PSPH: variants seen among roughly 807,000 people sequenced by gnomAD.
PSPH encodes phosphoserine phosphatase, also known as L-3-phosphoserine phosphatase.
A neutral mutation model predicts 23.4 loss-of-function variants in PSPH; 16 were observed. The ratio of observed to expected loss-of-function variants is 0.68; its 90% CI spans 0.46 to 1.04. The LOEUF (loss-of-function observed/expected upper bound fraction) is 1.04. Ranked by LOEUF, PSPH falls within the 50% of genes least tolerant of loss-of-function variation. The pLI, the probability that PSPH is intolerant of heterozygous loss-of-function variation, is 0.00. For synonymous variants in PSPH, 68 were observed against 99.7 expected (o/e 0.68, Z 1.89); for missense variants, 223 against 273.7 (o/e 0.81, Z 1.31).
At chr7:56,045,339 T>A (rs1433078826) in intron 1 of PSPH, among the ~76,000 whole-genome samples, 3 of 151,944 alleles carry the variant, frequency 2.0e-5, no homozygotes, top group Non-Finnish European at 4.4e-5. Context: ...TCAGAGAACT[T>A]GTCTCTGCAA....
At position 56,045,833 on chromosome 7, in the gene PSPH, G is replaced by C. The variant is rs149224231; in HGVS notation, c.-292+5305C>G. 2.0e-5 allele frequency among the ~76,000 whole-genome samples: 3 copies of C among 146,568 alleles called. No individual in the cohort carries two copies. In the Admixed American group the frequency reaches 2.1e-4, roughly 10 times the overall value. On this transcript the variant is annotated intron_variant, in intron 1 of 7. Coordinates refer to ENST00000275605, the MANE Select transcript of PSPH (RefSeq NM_004577.4). The stretch of plus-strand genomic sequence containing the variant: ...ACCCAGGAAGCAGAAGCTGCAATGA[G>C]CCAAGATCATGCCACTGCACTCTAG...
At chr7:56,029,815 A>G (rs1033643597) in intron 3 of PSPH, among the ~76,000 whole-genome samples, 2 of 151,918 alleles carry the variant, frequency 1.3e-5, no homozygotes, top group African/African-American at 4.8e-5. Flanking sequence ...GGTAGTAGGG[A>G]TAAATTTGTT....
chr7:56,014,268 G>GC (rs1788303418), intron 7 of PSPH, among the ~76,000 whole-genome samples: 6 of 152,144 alleles, frequency 3.9e-5, no homozygotes, highest in Admixed American at 3.3e-4. Flanking sequence ...TATTATTTGG[G>GC]GAAATGAAAT....
At chr7:56,016,331 G>C (rs1788553345) in intron 6 of PSPH, among the ~76,000 whole-genome samples, 1 of 148,830 alleles carries the variant, frequency 6.7e-6, no homozygotes, top group African/African-American at 2.5e-5. Flanking sequence ...TTGCACCCAG[G>C]AGGCAGAGGT....
chr7:56,049,226 C>T (rs1171049269), intron 1 of PSPH, among the ~76,000 whole-genome samples: 1 of 151,394 alleles, frequency 6.6e-6, no homozygotes, highest in Non-Finnish European at 1.5e-5. Context: ...GTCCAGCCCC[C>T]ATCCTCTAAG....
In PSPH at chr7:56,019,448, CA is replaced by C; in HGVS notation, c.275+151del. The C allele has an allele frequency of 4.0e-6, 4 of 992,564 alleles. No homozygotes were observed. The East Asian group carries it at 1.4e-4, about 34-fold the overall frequency. 61.5% of individuals were successfully genotyped at this position (992,564 alleles called of 1,614,324 possible). On this transcript the variant is annotated intron_variant, in intron 5 of 7. Coordinates refer to ENST00000275605, the MANE Select transcript of PSPH (RefSeq NM_004577.4). ...AGTGAGACTTCATCTCGAAAAAATA[CA>C]ATTTAAAAAAATAATTAAAAAATTA...
intron 1 of PSPH, among the ~76,000 whole-genome samples, chr7:56,050,567 C>A (rs1412004607): frequency 6.6e-6 from 1 of 152,152 alleles, no homozygotes; most frequent in Admixed American, 6.5e-5. Flanking sequence ...AGCCCTGGCC[C>A]CTAGTTGAGT....
At chr7:56,028,166 C>T (rs1790478974) in intron 3 of PSPH, among the ~76,000 whole-genome samples, 1 of 152,092 alleles carries the variant, frequency 6.6e-6, no homozygotes. Flanking sequence ...TGACTTACAG[C>T]TCAGAATTGT....
At chr7:56,019,461 TAATTAAAA>T in intron 5 of PSPH, 131 bp downstream of exon 5, 1 of 1,005,064 alleles carries the variant, frequency 9.9e-7, no homozygotes, top group Non-Finnish European at 1.3e-6. Context: ...TTTAAAAAAA[TAATTAAAA>T]AATTAAAAAA....
At position 56,011,746 on chromosome 7, in the gene PSPH, T is replaced by C. The variant is rs1296337416; in HGVS notation, c.*16A>G. ...AAATTCATCTGAAGTTGTTTGGAGC[T>C]GTACGACAATGGATGTTATTCTTCC... On this transcript the variant is annotated 3_prime_UTR_variant, in exon 8 of 8. Coordinates refer to ENST00000275605, the MANE Select transcript of PSPH (RefSeq NM_004577.4). The C allele has an allele frequency of 1.3e-6, 2 of 1,580,706 alleles. No individual in the cohort carries two copies. Among genetic ancestry groups the C allele is most frequent in the Non-Finnish European group, 1.7e-6 (2 of 1,149,700 alleles).
At chr7:56,049,171 G>A (rs1443118233) in intron 1 of PSPH, among the ~76,000 whole-genome samples, 1 of 151,170 alleles carries the variant, frequency 6.6e-6, no homozygotes. Flanking sequence ...TGATCTGCCC[G>A]CCTCGGCCTC....
At chr7:56,017,716 CTTTT>C (rs35860273) in intron 5 of PSPH, among the ~76,000 whole-genome samples, 14 of 82,386 alleles carry the variant, frequency 1.7e-4, no homozygotes, top group African/African-American at 6.3e-4. Context: ...CACCCAGTTA[CTTTT>C]TTTTTTTTTT....
intron 1 of PSPH, among the ~76,000 whole-genome samples, chr7:56,046,818 G>T (rs1256161333): frequency 2.9e-5 from 4 of 139,318 alleles, no homozygotes; most frequent in African/African-American, 8.0e-5. Context: ...AAAAAAAAAA[G>T]GGCTAGGATT....
chr7:56,029,734 A>G (rs1388494281), intron 3 of PSPH, among the ~76,000 whole-genome samples: 2 of 152,142 alleles, frequency 1.3e-5, no homozygotes, highest in African/African-American at 4.8e-5. Context: ...TCACCTGTGT[A>G]AGAAAAAATA....
At chr7:56,032,443 G>A (rs1791134527) in intron 2 of PSPH, among the ~76,000 whole-genome samples, 1 of 147,146 alleles carries the variant, frequency 6.8e-6, no homozygotes, top group Admixed American at 6.8e-5. Context: ...GGCGGATCAC[G>A]AGGTCAGATC....
Position 56,011,722 on chromosome 7 carries a change from A to C in PSPH, c.*40T>G. The C allele has an allele frequency of 6.6e-7, 1 of 1,507,642 alleles. No homozygotes were observed. Among genetic ancestry groups the C allele is most frequent in the Non-Finnish European group, 9.2e-7 (1 of 1,083,416 alleles). 93.4% of individuals were successfully genotyped at this position (1,507,642 alleles called of 1,614,324 possible). On this transcript the variant is annotated 3_prime_UTR_variant, in exon 8 of 8. Coordinates refer to ENST00000275605, the MANE Select transcript of PSPH (RefSeq NM_004577.4). ...AGTATCAATCTGTATAACTTGTAAA[A>C]ATTCATCTGAAGTTGTTTGGAGCTG...
chr7:56,013,298 C>T (rs1788182419), intron 7 of PSPH, among the ~76,000 whole-genome samples: 1 of 151,884 alleles, frequency 6.6e-6, no homozygotes, highest in African/African-American at 2.4e-5. Context: ...GCAGGAAGAT[C>T]ACTTAAGCCA....
chr7:56,021,651 T>C (rs1789476763), intron 3 of PSPH, among the ~76,000 whole-genome samples: 1 of 151,054 alleles, frequency 6.6e-6, no homozygotes, highest in Admixed American at 6.6e-5. Context: ...AAGCAAGCAT[T>C]AAAGCGGAGG....
chr7:56,013,088 CAT>C (rs1172221925), intron 7 of PSPH, among the ~76,000 whole-genome samples: 6 of 117,462 alleles, frequency 5.1e-5, no homozygotes, highest in East Asian at 2.6e-4. Flanking sequence ...TATATACACA[CAT>C]ATATATACAT....
Sources: gnomAD v4.1 joint callset for allele counts (sites outside exome capture counted in the v4.1 genomes callset) on GRCh38, gnomAD v4.1.1 for gene constraint, MANE v1.5 for transcripts, NCBI Gene and HGNC (gene_info 2026-07-23, HGNC 2026-07-21) for gene names.